Variants in IL1RAPL2 observed in about 807,000 individuals in gnomAD.
IL1RAPL2 encodes the protein X-linked interleukin-1 receptor accessory protein-like 2.
Under a neutral mutation model 44.1 loss-of-function variants are expected in IL1RAPL2, and 3 were observed. The observed-to-expected ratio is 0.07, with a 90% CI of 0.03 to 0.18. The LOEUF is 0.18. Ranked by LOEUF, IL1RAPL2 falls within the 10% of genes least tolerant of loss-of-function variation. The probability of loss-of-function intolerance (pLI) is 1.00; values close to 1 mark genes in which losing one functional copy is unlikely to be tolerated. For missense variants in IL1RAPL2, 391 were observed against 496.4 expected, an observed-to-expected ratio of 0.79 and a Z score of 2.02; for synonymous variants, 181 against 178.8, an observed-to-expected ratio of 1.01 and a Z score of -0.10.
intron 2 of IL1RAPL2, among the ~76,000 whole-genome samples, chrX:105,082,770 C>T (rs1423436112): frequency 1.8e-5 from 2 of 111,606 alleles, no homozygotes; most frequent in African/African-American, 3.3e-5. Flanking sequence ...AACAAAAGTA[C>T]GTCCACTCAG....
chrX:105,714,956 C>T (rs755018687), intron 6 of IL1RAPL2, among the ~76,000 whole-genome samples: 26 of 111,900 alleles, frequency 2.3e-4, no homozygotes, highest in African/African-American at 8.1e-4. Flanking sequence ...ATAACTAATT[C>T]GTTAACTTCA....
At chrX:105,408,655 T>G (rs909770951) in intron 5 of IL1RAPL2, among the ~76,000 whole-genome samples, 1 of 111,832 alleles carries the variant, frequency 8.9e-6, no homozygotes, top group East Asian at 2.8e-4. Flanking sequence ...TATTGAGAGA[T>G]AATCTATTTT....
At chrX:105,271,111 AT>A (rs1205837433) in intron 5 of IL1RAPL2, among the ~76,000 whole-genome samples, 1 of 112,333 alleles carries the variant, frequency 8.9e-6, no homozygotes, top group African/African-American at 3.2e-5. Flanking sequence ...GAAGGTTATC[AT>A]TTGCTTTAAT....
chrX:105,491,340 A>C (rs1416563983), intron 6 of IL1RAPL2, among the ~76,000 whole-genome samples: 1 of 112,167 alleles, frequency 8.9e-6, no homozygotes, highest in South Asian at 3.7e-4. Context: ...TTGTTAATGC[A>C]AATAGTAATA....
intron 2 of IL1RAPL2, among the ~76,000 whole-genome samples, chrX:105,043,280 C>T (rs763879143): frequency 4.5e-5 from 5 of 110,738 alleles, no homozygotes; most frequent in South Asian, 7.9e-4. Context: ...CTGGATATCA[C>T]GGCAGACTAG....
intron 5 of IL1RAPL2, among the ~76,000 whole-genome samples, chrX:105,469,093 G>A (rs2036149631): frequency 9.0e-6 from 1 of 111,660 alleles, no homozygotes; most frequent in Non-Finnish European, 1.9e-5. Context: ...CAGAAAGGTA[G>A]GGTCCAGAAC....
chrX:104,878,592 A>G (rs1261370489), intron 2 of IL1RAPL2, among the ~76,000 whole-genome samples: 3 of 111,954 alleles, frequency 2.7e-5, no homozygotes, highest in East Asian at 2.8e-4. Context: ...AGTGTTATGT[A>G]TATTTAGATG....
intron 6 of IL1RAPL2, among the ~76,000 whole-genome samples, chrX:105,655,708 G>A (rs2037672807): frequency 8.9e-6 from 1 of 112,227 alleles, no homozygotes; most frequent in South Asian, 3.7e-4. Context: ...CCTTCTAAAA[G>A]TGATATTTTG....
At chrX:105,316,321 G>A (rs2034841239) in intron 5 of IL1RAPL2, among the ~76,000 whole-genome samples, 1 of 111,056 alleles carries the variant, frequency 9.0e-6, no homozygotes, top group African/African-American at 3.3e-5. Context: ...CTGGTGATGG[G>A]CCATTATAAA....
chrX:105,226,012 T>A (rs140422262), intron 3 of IL1RAPL2, among the ~76,000 whole-genome samples: 4,613 of 111,743 alleles, frequency 0.041, 107 homozygotes, highest in Non-Finnish European at 0.068. Context: ...ATAGTGTCTA[T>A]CTCTAGAGCA....
At chrX:105,499,304 G>A (rs1362201946) in intron 6 of IL1RAPL2, among the ~76,000 whole-genome samples, 1 of 110,408 alleles carries the variant, frequency 9.1e-6, no homozygotes, top group Non-Finnish European at 1.9e-5. Flanking sequence ...AAACACAGGG[G>A]AAAATCATAA....
chrX:104,936,685 C>T (rs1001294668), intron 2 of IL1RAPL2, among the ~76,000 whole-genome samples: 22 of 101,900 alleles, frequency 2.2e-4, no homozygotes, highest in African/African-American at 6.3e-4. Context: ...TGCAATGGCG[C>T]GATCTCGGCT....
At chrX:104,583,338 A>G (rs1370202672) in intron 1 of IL1RAPL2, among the ~76,000 whole-genome samples, 3 of 111,720 alleles carry the variant, frequency 2.7e-5, no homozygotes, top group Non-Finnish European at 5.6e-5. Context: ...ACAGTTTTAG[A>G]TATTTTTATC....
intron 1 of IL1RAPL2, among the ~76,000 whole-genome samples, chrX:104,636,918 C>A (rs1214598593): frequency 9.0e-6 from 1 of 111,535 alleles, no homozygotes; most frequent in Non-Finnish European, 1.9e-5. Context: ...CAGAAATCTC[C>A]CCTCTTCTGC....
chrX:105,751,529 A>G (rs2038597527), intron 9 of IL1RAPL2, among the ~76,000 whole-genome samples: 1 of 111,353 alleles, frequency 9.0e-6, no homozygotes, highest in Non-Finnish European at 1.9e-5. Context: ...TCCACTTTGC[A>G]TCTTTATCTG....
intron 6 of IL1RAPL2, among the ~76,000 whole-genome samples, chrX:105,499,705 C>T (rs1200300069): frequency 3.6e-5 from 4 of 111,485 alleles, no homozygotes; most frequent in African/African-American, 9.8e-5. Context: ...CACCTCATAC[C>T]TGTTAAGATG....
At chrX:105,096,407 TTATTCA>T (rs2032604018) in intron 2 of IL1RAPL2, among the ~76,000 whole-genome samples, 1 of 112,281 alleles carries the variant, frequency 8.9e-6, no homozygotes, top group Admixed American at 9.5e-5. Context: ...CATAGTAGCA[TTATTCA>T]TATTCATAAC....
At chrX:104,608,487 C>G (rs1027495323) in intron 1 of IL1RAPL2, among the ~76,000 whole-genome samples, 27 of 110,546 alleles carry the variant, frequency 2.4e-4, no homozygotes, top group African/African-American at 6.9e-4. Flanking sequence ...TTGTAGTTCT[C>G]TAAGAACTTA....
chrX:105,424,831 T>C (rs761975356), intron 5 of IL1RAPL2, among the ~76,000 whole-genome samples: 1 of 110,615 alleles, frequency 9.0e-6, no homozygotes, highest in South Asian at 4.1e-4. Context: ...CTGATAATCC[T>C]TTTCTTTCCA....
Sources: allele counts gnomAD v4.1 joint callset (sites outside exome capture counted in the v4.1 genomes callset), GRCh38; gene constraint gnomAD v4.1.1; transcripts MANE v1.5; gene names NCBI Gene and HGNC (gene_info 2026-07-23, HGNC 2026-07-21).